The following EXT1 variants were observed in gnomAD, a reference collection of about 807,000 sequenced individuals.
EXT1 encodes the protein exostosin-1.
Under a neutral mutation model 82.5 loss-of-function variants are expected in EXT1, and 20 were observed. The ratio of observed to expected loss-of-function variants is 0.24; its 90% CI spans 0.17 to 0.35. The LOEUF is 0.35. Ranked by LOEUF, EXT1 falls within the 10% of genes least tolerant of loss-of-function variation. EXT1 has a pLI of 1.00. For synonymous variants in EXT1, 348 were observed against 350.8 expected (o/e 0.99, Z 0.09); for missense variants, 757 against 936.5 (o/e 0.81, Z 2.50).
chr8:117,994,211 G>A (rs570729535), intron 1 of EXT1, among the ~76,000 whole-genome samples: 1 of 152,258 alleles, frequency 6.6e-6, no homozygotes, highest in Non-Finnish European at 1.5e-5. Context: ...CGTACATTTA[G>A]AATACGTCAT....
Position 117,968,724 on chromosome 8 carries a change from G to A in EXT1, c.963-131523C>T, listed in dbSNP as rs1403790793. Among the ~76,000 whole-genome samples the A allele has an allele frequency of 1.1e-4, 11 of 103,954 alleles. 1 individual carries two copies. The highest frequency in any genetic ancestry group is 3.3e-4 in the South Asian group (1 of 3,062). The allele number at this position is 103,954 out of a possible 152,430, so 68.2% of individuals were successfully genotyped here. On this transcript the variant is annotated intron_variant, in intron 1 of 10. Transcript: ENST00000378204. Reference sequence around the variant, plus strand: ...AGCTGGGACTATAGGCGCCCACCACGACGCCCGGCTAATTTTTTGTATTTT... The same window carrying A: ...AGCTGGGACTATAGGCGCCCACCACAACGCCCGGCTAATTTTTTGTATTTT...
At chr8:118,013,914 T>TA (rs1363601650) in intron 1 of EXT1, among the ~76,000 whole-genome samples, 1 of 152,154 alleles carries the variant, frequency 6.6e-6, no homozygotes, top group African/African-American at 2.4e-5. Context: ...CTTGATGCAG[T>TA]AAAAAGAATA....
intron 7 of EXT1, among the ~76,000 whole-genome samples, chr8:117,813,477 T>A (rs1823367390): frequency 6.7e-6 from 1 of 148,386 alleles, no homozygotes; most frequent in East Asian, 2.1e-4. Flanking sequence ...CACCCACTCT[T>A]CCCAACCGAA....
chr8:117,902,861 G>A (rs17475358), intron 1 of EXT1, among the ~76,000 whole-genome samples: 7,599 of 152,266 alleles, frequency 0.05, 634 homozygotes, highest in African/African-American at 0.17. Context: ...TGAGAGGAAT[G>A]TTGCAAATAC....
At chr8:117,846,974 G>A (rs1245512909) in intron 1 of EXT1, among the ~76,000 whole-genome samples, 1 of 152,112 alleles carries the variant, frequency 6.6e-6, no homozygotes, top group Admixed American at 6.5e-5. Flanking sequence ...GGAACCCTGT[G>A]CTAACTCTCT....
chr8:117,818,969 G>A (rs977073367), intron 6 of EXT1, among the ~76,000 whole-genome samples: 2 of 152,148 alleles, frequency 1.3e-5, no homozygotes, highest in Admixed American at 1.3e-4. Flanking sequence ...GGCAATGTGG[G>A]AGAAATAAAA....
chr8:118,075,007 A>G (rs558175442), intron 1 of EXT1, among the ~76,000 whole-genome samples: 2 of 152,240 alleles, frequency 1.3e-5, no homozygotes, highest in East Asian at 3.9e-4. Context: ...CCATCACTAC[A>G]ATAAAACACT....
In EXT1 at chr8:117,797,742, C is replaced by T. The variant is rs1563870992; in HGVS notation, c.*1970G>A. 1.3e-5 allele frequency: 2 copies of T among 152,156 alleles called. No individual in the cohort carries two copies. Among genetic ancestry groups the T allele is most frequent in the Non-Finnish European group, 2.9e-5 (2 of 68,034 alleles). The allele number at this position is 152,156 out of a possible 1,614,324, so 9.4% of individuals were successfully genotyped here. ...TTTATAGAAAAGACACAAGTGCAAG[C>T]ACCATGGACCTAAGAATTATTTTTC... On this transcript the variant is annotated 3_prime_UTR_variant, in exon 11 of 11. Transcript: ENST00000378204.
intron 1 of EXT1, among the ~76,000 whole-genome samples, chr8:117,921,327 A>G (rs1417336978): frequency 6.6e-6 from 1 of 152,232 alleles, no homozygotes; most frequent in African/African-American, 2.4e-5. Context: ...TGAGGCCTCT[A>G]GGAGACAGAC....
At chr8:117,928,722 G>A (rs945823150) in intron 1 of EXT1, among the ~76,000 whole-genome samples, 13 of 151,860 alleles carry the variant, frequency 8.6e-5, no homozygotes, top group African/African-American at 3.1e-4. Context: ...CTGGAAAAGT[G>A]TATGTGCAAA....
At chr8:117,946,954 T>C (rs1365638369) in intron 1 of EXT1, among the ~76,000 whole-genome samples, 2 of 152,184 alleles carry the variant, frequency 1.3e-5, no homozygotes, top group Admixed American at 1.3e-4. Flanking sequence ...GCCAGTTTTA[T>C]GATATTTATG....
intron 4 of EXT1, among the ~76,000 whole-genome samples, chr8:117,826,529 A>G (rs1812010329): frequency 6.6e-6 from 1 of 152,214 alleles, no homozygotes; most frequent in Admixed American, 6.5e-5. Context: ...GATACGTGAT[A>G]CTTAAATTGT....
At chr8:117,889,661 A>G (rs2129939866) in intron 1 of EXT1, among the ~76,000 whole-genome samples, 1 of 152,318 alleles carries the variant, frequency 6.6e-6, no homozygotes, top group East Asian at 1.9e-4. Context: ...AAAGTGCCTC[A>G]TATACCTGTT....
Position 118,102,587 on chromosome 8 carries a change from A to T in EXT1, c.962+7498T>A, listed in dbSNP as rs557895031. Among the ~76,000 whole-genome samples the T allele has an allele frequency of 4.6e-5, 7 of 152,280 alleles. No homozygotes were observed. The East Asian group carries it at 1.4e-3, about 29-fold the overall frequency. On this transcript the variant is annotated intron_variant, in intron 1 of 10. Coordinates refer to ENST00000378204, the MANE Select transcript of EXT1 (RefSeq NM_000127.3). ...TGGCACAAACAAGACACTTAAGAAA[A>T]ATGTGTTGAATTCATTATTTACTCA...
In EXT1 at chr8:117,812,231, C is replaced by T. The variant is rs748919762; in HGVS notation, c.1722+641G>A. Among the ~76,000 whole-genome samples the T allele has an allele frequency of 3.3e-5, 5 of 152,254 alleles. No individual in the cohort carries two copies. The East Asian group carries it at 7.7e-4, about 24-fold the overall frequency. ...AAGGTTTCAGAGATCAATACTCATT[C>T]GAGTTGTAAAAATTGGTTTTCTACC... On this transcript the variant is annotated intron_variant, in intron 8 of 10. Transcript: ENST00000378204.
intron 1 of EXT1, among the ~76,000 whole-genome samples, chr8:117,989,470 G>A (rs1815391002): frequency 1.3e-5 from 2 of 152,094 alleles, no homozygotes; most frequent in African/African-American, 4.8e-5. Context: ...TCATTCCTGT[G>A]GCCCCAGACC....
At chr8:118,098,558 C>T (rs1452005001) in intron 1 of EXT1, among the ~76,000 whole-genome samples, 2 of 152,006 alleles carry the variant, frequency 1.3e-5, no homozygotes, top group South Asian at 2.1e-4. Context: ...AGATCAAGAC[C>T]GTCCTGGCTA....
chr8:117,809,837 A>G (rs1263307185), intron 8 of EXT1, among the ~76,000 whole-genome samples: 2 of 152,122 alleles, frequency 1.3e-5, no homozygotes, highest in African/African-American at 2.4e-5. Context: ...ATGGGACAGT[A>G]TATTATGCAG....
chr8:117,960,990 C>G (rs188523759), intron 1 of EXT1, among the ~76,000 whole-genome samples: 40 of 152,314 alleles, frequency 2.6e-4, no homozygotes, highest in African/African-American at 9.1e-4. Context: ...GTGCAATACT[C>G]TGCGCAAGAG....
Sources: gnomAD v4.1 joint callset for allele counts (sites outside exome capture counted in the v4.1 genomes callset) on GRCh38, gnomAD v4.1.1 for gene constraint, MANE v1.5 for transcripts, NCBI Gene and HGNC (gene_info 2026-07-23, HGNC 2026-07-21) for gene names.